Variants in GTF2E1 observed in about 807,000 individuals in gnomAD.
GTF2E1 encodes the protein general transcription factor IIE subunit 1, also known as TFIIE alpha subunit.
GTF2E1 carries 14 observed loss-of-function variants against 34.9 expected under a neutral mutation model. That is an observed-to-expected ratio of 0.40 (90% CI 0.27 to 0.63). The LOEUF is 0.63. GTF2E1 is among the 20% of genes least tolerant of loss of function. The pLI is 0.39. For synonymous variants in GTF2E1, 188 were observed against 192.9 expected, an observed-to-expected ratio of 0.97 and a Z score of 0.21; for missense variants, 469 against 557.7, an observed-to-expected ratio of 0.84 and a Z score of 1.60.
At chr3:120,749,806 A>G (rs1052230383) in intron 1 of GTF2E1, 1 of 152,216 alleles carries the variant, frequency 6.6e-6, no homozygotes, top group East Asian at 1.9e-4. Flanking sequence ...TTTCTGGGTC[A>G]TGGTACGGAA....
In GTF2E1 at chr3:120,742,790, C is replaced by T. The variant is rs1709067290; in HGVS notation, c.-35C>T. On this transcript the variant is annotated 5_prime_UTR_variant, in exon 1 of 5. Transcript: ENST00000283875. ...TGTAGTGGGAGTGTTCCAGGATTCG[C>T]CTTGGTAAACCTTGTTCCCTGTTCC... 1.2e-5 allele frequency: 6 copies of T among 486,078 alleles called. No individual in the cohort carries two copies. The highest frequency in any genetic ancestry group is 2.3e-5 in the Non-Finnish European group (6 of 266,200). 30.1% of individuals were successfully genotyped at this position (486,078 alleles called of 1,614,324 possible). A position where few individuals can be genotyped will look rare whatever the true frequency, so the allele number is the denominator to read the frequency against.
At chr3:120,761,400 T>C (rs546249971) in intron 2 of GTF2E1, among the ~76,000 whole-genome samples, 9 of 152,084 alleles carry the variant, frequency 5.9e-5, no homozygotes, top group Non-Finnish European at 8.8e-5. Context: ...TTTGGAAGGG[T>C]TTTTTGTGTC....
chr3:120,754,404 T>C (rs1012652872), intron 2 of GTF2E1, among the ~76,000 whole-genome samples: 11 of 152,190 alleles, frequency 7.2e-5, no homozygotes, highest in African/African-American at 2.2e-4. Context: ...TTTCTTAATG[T>C]ACCAAACTCT....
intron 1 of GTF2E1, among the ~76,000 whole-genome samples, chr3:120,745,539 C>G (rs1327597720): frequency 6.6e-6 from 1 of 152,074 alleles, no homozygotes; most frequent in Non-Finnish European, 1.5e-5. Context: ...GAGACAAAAC[C>G]TTTAGGAGTG....
intron 4 of GTF2E1, among the ~76,000 whole-genome samples, chr3:120,779,613 A>G (rs1559835765): frequency 1.3e-5 from 2 of 152,342 alleles, no homozygotes; most frequent in East Asian, 3.9e-4. Flanking sequence ...TAATGTGTTA[A>G]TGAGAAGATG....
At chr3:120,753,985 CAAA>C (rs758813734) in intron 2 of GTF2E1, among the ~76,000 whole-genome samples, 1 of 152,114 alleles carries the variant, frequency 6.6e-6, no homozygotes, top group Non-Finnish European at 1.5e-5. Flanking sequence ...GTAATCAAAA[CAAA>C]AACATGACAT....
intron 3 of GTF2E1, among the ~76,000 whole-genome samples, chr3:120,774,547 A>G (rs1709382255): frequency 6.6e-6 from 1 of 152,106 alleles, no homozygotes; most frequent in Admixed American, 6.6e-5. Flanking sequence ...AAGAAATGAT[A>G]CACAAAGTAA....
chr3:120,746,544 C>T (rs1559828606), intron 1 of GTF2E1, among the ~76,000 whole-genome samples: 1 of 151,950 alleles, frequency 6.6e-6, no homozygotes, highest in African/African-American at 2.4e-5. Flanking sequence ...ATCTGTAATC[C>T]CAGCACTTTA....
chr3:120,776,814 A>G, intron 4 of GTF2E1, 150 bp downstream of exon 4: 1 of 620,882 alleles, frequency 1.6e-6, no homozygotes, highest in Non-Finnish European at 2.7e-6. Flanking sequence ...ACAATAAGAT[A>G]AAAACCAACT....
chr3:120,750,944 T>C lies in GTF2E1; in HGVS notation c.392T>C (p.Val131Ala), dbSNP rs376963110. The C allele has an allele frequency of 1.9e-6, 3 of 1,613,852 alleles. No homozygotes were observed. The highest frequency in any genetic ancestry group is 2.7e-5 in the African/African-American group (2 of 74,928). ...STNRASFKCP[V>A]CSSTFTDLEA... ...AACCGGGCTTCCTTCAAATGTCCTG[T>C]CTGTAGTAGTACTTTCACAGACTTA... The change falls in exon 2 of 5, where the codon GTC becomes GCC. Residue 131 changes from valine to alanine, a missense_variant. Coordinates refer to ENST00000283875, the MANE Select transcript of GTF2E1 (RefSeq NM_005513.3).
At chr3:120,749,290 G>A (rs1709141534) in intron 1 of GTF2E1, among the ~76,000 whole-genome samples, 1 of 152,124 alleles carries the variant, frequency 6.6e-6, no homozygotes, top group African/African-American at 2.4e-5. Context: ...CCAACACTAT[G>A]TTGAATAGGA....
intron 1 of GTF2E1, among the ~76,000 whole-genome samples, chr3:120,748,858 C>T (rs973057304): frequency 2.0e-4 from 30 of 152,224 alleles, no homozygotes; most frequent in African/African-American, 6.3e-4. Flanking sequence ...GCCATTTTCA[C>T]GATATTGATT....
chr3:120,767,339 A>G (rs1394303320), intron 2 of GTF2E1, among the ~76,000 whole-genome samples: 2 of 152,178 alleles, frequency 1.3e-5, no homozygotes, highest in East Asian at 1.9e-4. Context: ...AGGTTTGCTT[A>G]TGGTCCAGTA....
chr3:120,758,528 C>T (rs1036859799), intron 2 of GTF2E1, among the ~76,000 whole-genome samples: 8 of 152,014 alleles, frequency 5.3e-5, no homozygotes, highest in African/African-American at 9.7e-5. Context: ...CCCAACAACC[C>T]GTCATTTACG....
At chr3:120,749,825 C>G (rs1049441409) in intron 1 of GTF2E1, 1 of 152,110 alleles carries the variant, frequency 6.6e-6, no homozygotes, top group Non-Finnish European at 1.5e-5. Context: ...AAATGAGATA[C>G]ACTTAGTTTC....
At chr3:120,761,323 A>G (rs1013711931) in intron 2 of GTF2E1, among the ~76,000 whole-genome samples, 2 of 151,686 alleles carry the variant, frequency 1.3e-5, no homozygotes, top group Non-Finnish European at 2.9e-5. Context: ...CTTTTTTATT[A>G]GTCTGGCTAG....
chr3:120,755,409 C>T (rs532810986), intron 2 of GTF2E1, among the ~76,000 whole-genome samples: 1 of 152,024 alleles, frequency 6.6e-6, no homozygotes, highest in African/African-American at 2.4e-5. Context: ...AAAGAGTTTG[C>T]CTTCATAGGG....
chr3:120,754,033 G>A (rs1324596894), intron 2 of GTF2E1, among the ~76,000 whole-genome samples: 2 of 152,144 alleles, frequency 1.3e-5, no homozygotes, highest in African/African-American at 4.8e-5. Context: ...ATAACATCTT[G>A]TGTTTCATAA....
intron 2 of GTF2E1, among the ~76,000 whole-genome samples, chr3:120,765,467 AT>A (rs1170631625): frequency 6.6e-6 from 1 of 152,140 alleles, no homozygotes; most frequent in Non-Finnish European, 1.5e-5. Context: ...TCTATTCAAT[AT>A]TTTTGAAAAG....
Sources: gnomAD v4.1 joint callset for allele counts (sites outside exome capture counted in the v4.1 genomes callset) on GRCh38, gnomAD v4.1.1 for gene constraint, MANE v1.5 for transcripts, NCBI Gene and HGNC (gene_info 2026-07-23, HGNC 2026-07-21) for gene names.